Variants in PCBP3 observed in about 807,000 individuals in gnomAD.
PCBP3 encodes poly(rC) binding protein 3.
Under a neutral mutation model 52.7 loss-of-function variants are expected in PCBP3, and 25 were observed. That is an observed-to-expected ratio of 0.47 (90% CI 0.35 to 0.66). The LOEUF is 0.66. PCBP3 is among the 30% of genes least tolerant of loss of function. The pLI is 0.01. For missense variants in PCBP3, 391 were observed against 490.3 expected, an observed-to-expected ratio of 0.80 and a Z score of 1.91; for synonymous variants, 162 against 183.0, an observed-to-expected ratio of 0.89 and a Z score of 0.93.
At chr21:45,839,698 T>G (rs984137541) in intron 4 of PCBP3, among the ~76,000 whole-genome samples, 5 of 152,212 alleles carry the variant, frequency 3.3e-5, no homozygotes, top group African/African-American at 1.2e-4. Context: ...TGTTGTTGTT[T>G]TTGAGATGGA....
At chr21:45,749,180 C>A (rs915901868) in intron 3 of PCBP3, among the ~76,000 whole-genome samples, 1 of 152,128 alleles carries the variant, frequency 6.6e-6, no homozygotes, top group Non-Finnish European at 1.5e-5. Context: ...AGCATTGGAG[C>A]AGAATCCAGC....
chr21:45,934,772 G>A (rs530774867), intron 15 of PCBP3, among the ~76,000 whole-genome samples: 12 of 152,306 alleles, frequency 7.9e-5, no homozygotes, highest in South Asian at 4.1e-4. Context: ...GGGCACTGTC[G>A]GGTAGAGCCG....
intron 17 of PCBP3, 79 bp downstream of exon 17, chr21:45,940,278 G>T (rs929883039): frequency 2.8e-5 from 36 of 1,303,226 alleles, no homozygotes; most frequent in Non-Finnish European, 3.2e-5. Context: ...GGACGGTCGG[G>T]GGGTGGGAGG....
intron 13 of PCBP3, among the ~76,000 whole-genome samples, chr21:45,923,522 C>A (rs1337493052): frequency 1.3e-5 from 2 of 152,198 alleles, no homozygotes; most frequent in Non-Finnish European, 2.9e-5. Flanking sequence ...GCTGTTCCTC[C>A]CAGCTTGCCC....
intron 3 of PCBP3, among the ~76,000 whole-genome samples, chr21:45,748,988 T>G (rs1220173477): frequency 6.6e-6 from 1 of 152,224 alleles, no homozygotes; most frequent in African/African-American, 2.4e-5. Context: ...TTGCTTCAGC[T>G]TTTACAAAGA....
intron 4 of PCBP3, among the ~76,000 whole-genome samples, chr21:45,823,721 T>TG (rs906193978): frequency 8.0e-5 from 5 of 62,542 alleles, no homozygotes; most frequent in Non-Finnish European, 1.6e-4. Context: ...GCAAAGTAGG[T>TG]GTTTTTTTTT....
chr21:45,728,695 C>G lies in PCBP3; in HGVS notation c.-199-6697C>G, dbSNP rs1212139458. On this transcript the variant is annotated intron_variant, in intron 2 of 17. Coordinates refer to ENST00000681687, the MANE Select transcript of PCBP3 (RefSeq NM_001384156.1). ...TTATAGAATTCACCTGCAAAGTCAT[C>G]TCGGTCAGCACTTTTCTTTGTGGGA... is the stretch of plus-strand genomic sequence containing the variant. 2.0e-5 allele frequency: 3 copies of G among 152,188 alleles called. No individual in the cohort carries two copies. The East Asian group carries it at 5.8e-4, about 29-fold the overall frequency. The allele number at this position is 152,188 out of a possible 1,614,324, so 9.4% of individuals were successfully genotyped here.
At chr21:45,844,870 A>G (rs974449642) in intron 4 of PCBP3, among the ~76,000 whole-genome samples, 1 of 147,102 alleles carries the variant, frequency 6.8e-6, no homozygotes, top group Non-Finnish European at 1.5e-5. Flanking sequence ...TTATATACGT[A>G]TATGAAGTTT....
In PCBP3 at chr21:45,880,808, G is replaced by A. The variant is rs1362978208; in HGVS notation, c.11-15400G>A. On this transcript the variant is annotated intron_variant, in intron 5 of 17. Coordinates refer to ENST00000681687, the MANE Select transcript of PCBP3 (RefSeq NM_001384156.1). This position sits in a 1 kb window ranked among gnomAD's most constrained non-coding sequence, Gnocchi z 5.4. ...AACTCACCCTGTCCCTGCCACGGAA[G>A]CCAGGGAGCCAGCGGGAGGGCAGGG... is the stretch of plus-strand genomic sequence containing the variant. Among the ~76,000 whole-genome samples the A allele has an allele frequency of 2.6e-5, 4 of 152,198 alleles. No individual in the cohort carries two copies. The highest frequency in any genetic ancestry group is 5.9e-5 in the Non-Finnish European group (4 of 68,032).
chr21:45,790,646 G>A (rs902246145), intron 4 of PCBP3, among the ~76,000 whole-genome samples: 1 of 152,154 alleles, frequency 6.6e-6, no homozygotes, highest in Non-Finnish European at 1.5e-5. Context: ...CTGAGCCTAA[G>A]TGGCCAGCGA....
chr21:45,889,247 C>T (rs564533611), intron 5 of PCBP3, among the ~76,000 whole-genome samples: 1 of 152,298 alleles, frequency 6.6e-6, no homozygotes, highest in East Asian at 1.9e-4. Context: ...AATGTAAGTG[C>T]CCCGAGCTGC....
At chr21:45,792,150 G>A (rs1003310519) in intron 4 of PCBP3, among the ~76,000 whole-genome samples, 3 of 152,292 alleles carry the variant, frequency 2.0e-5, no homozygotes, top group Non-Finnish European at 4.4e-5. Context: ...CCAGGCTACT[G>A]TGTTGAGATT....
chr21:45,887,985 G>A (rs1327153633), intron 5 of PCBP3, among the ~76,000 whole-genome samples: 4 of 152,226 alleles, frequency 2.6e-5, no homozygotes, highest in Admixed American at 6.5e-5. Context: ...TCTGTCCTCC[G>A]GGGATGGCCC....
At chr21:45,661,752 A>G (rs2080404867) in intron 1 of PCBP3, among the ~76,000 whole-genome samples, 1 of 152,098 alleles carries the variant, frequency 6.6e-6, no homozygotes, top group Admixed American at 6.5e-5. Flanking sequence ...TTCCATAGAG[A>G]TTGTACTAAT....
At chr21:45,745,679 G>A (rs1015895420) in intron 3 of PCBP3, among the ~76,000 whole-genome samples, 6 of 152,196 alleles carry the variant, frequency 3.9e-5, no homozygotes, top group African/African-American at 1.4e-4. Context: ...GCATTCTCCC[G>A]CTGGGCAGCC....
chr21:45,932,694 CATCCT>C (rs2076407587), intron 15 of PCBP3, among the ~76,000 whole-genome samples: 1 of 148,892 alleles, frequency 6.7e-6, no homozygotes, highest in Non-Finnish European at 1.5e-5. Context: ...TGGGCCATGC[CATCCT>C]GAAATGAATG....
At chr21:45,864,924 C>T (rs931409681) in intron 5 of PCBP3, among the ~76,000 whole-genome samples, 4 of 152,288 alleles carry the variant, frequency 2.6e-5, no homozygotes, top group East Asian at 1.9e-4. Flanking sequence ...CTTTTCTCTG[C>T]GTGAAAGTAA....
At chr21:45,733,567 A>C (rs955847658) in intron 2 of PCBP3, among the ~76,000 whole-genome samples, 1 of 151,974 alleles carries the variant, frequency 6.6e-6, no homozygotes, top group African/African-American at 2.4e-5. Context: ...CTGGGATTAC[A>C]GGCATGAGCC....
intron 2 of PCBP3, among the ~76,000 whole-genome samples, chr21:45,682,456 G>A (rs1456029139): frequency 6.6e-6 from 1 of 152,164 alleles, no homozygotes; most frequent in Non-Finnish European, 1.5e-5. Context: ...GTATGGGACT[G>A]ACTGCCTGTA....
Sources: allele counts gnomAD v4.1 joint callset (sites outside exome capture counted in the v4.1 genomes callset), GRCh38; gene constraint gnomAD v4.1.1; non-coding constraint Gnocchi (gnomAD v3.1); transcripts MANE v1.5; gene names NCBI Gene and HGNC (gene_info 2026-07-23, HGNC 2026-07-21).